CNTN6: variants seen among roughly 807,000 people sequenced by gnomAD.
CNTN6 encodes the protein contactin-6.
CNTN6 carries 137 observed loss-of-function variants against 122.8 expected under a neutral mutation model. The ratio of observed to expected loss-of-function variants is 1.12; its 90% CI spans 0.97 to 1.29. CNTN6 has a LOEUF of 1.29. Among genes scored for constraint, CNTN6 ranks in the 50% most tolerant of loss-of-function variants. CNTN6 has a pLI of 0.00. For synonymous variants in CNTN6, 570 were observed against 426.0 expected (o/e 1.34, Z -4.16); for missense variants, 1,634 against 1,223.4 (o/e 1.34, Z -5.01).
intron 19 of CNTN6, among the ~76,000 whole-genome samples, chr3:1,384,796 T>TACACACACACAC (rs1168789647): frequency 7.5e-6 from 1 of 133,788 alleles, no homozygotes; most frequent in African/African-American, 2.8e-5. Context: ...TATATATATA[T>TACACACACACAC]ACACACACAC....
chr3:1,330,160 T>C (rs550425719), intron 11 of CNTN6, among the ~76,000 whole-genome samples: 46 of 152,062 alleles, frequency 3.0e-4, no homozygotes, highest in African/African-American at 1.1e-3. Context: ...TTTCAGTGCA[T>C]GCACTTGTAA....
At position 1,382,983 on chromosome 3, in the gene CNTN6, T is replaced by C. The variant is rs767848196; in HGVS notation, c.2208T>C (p.Tyr736=). The change falls in exon 18 of 23, where the codon TAT becomes TAC. Residue 736 remains tyrosine, a synonymous_variant. Coordinates refer to ENST00000446702, the MANE Select transcript of CNTN6 (RefSeq NM_001289080.2). Reference sequence around the variant, plus strand: ...TGCAGAATGGGGAGGGATTTGGATATATCATCATGTTCCGGCCAGTGGGCT... The same window carrying C: ...TGCAGAATGGGGAGGGATTTGGATACATCATCATGTTCCGGCCAGTGGGCT... The part of the protein sequence containing the change: ...EELQNGEGFG[Y]IIMFRPVGST... The C allele has an allele frequency of 6.2e-7, 1 of 1,613,944 alleles. No homozygotes were observed. The highest frequency in any genetic ancestry group is 1.3e-5 in the African/African-American group (1 of 74,920).
intron 1 of CNTN6, among the ~76,000 whole-genome samples, chr3:1,102,495 C>A (rs1199713269): frequency 1.3e-5 from 2 of 152,000 alleles, no homozygotes; most frequent in African/African-American, 2.4e-5. Context: ...CTTTGGGAGG[C>A]CGAGGTGGGC....
chr3:1,298,161 G>C, intron 7 of CNTN6, 170 bp downstream of exon 7: 1 of 561,444 alleles, frequency 1.8e-6, no homozygotes. Flanking sequence ...CTAATACTGA[G>C]ACAATGACCA....
chr3:1,147,028 A>T (rs1352700986), intron 1 of CNTN6, among the ~76,000 whole-genome samples: 1 of 152,128 alleles, frequency 6.6e-6, no homozygotes, highest in Non-Finnish European at 1.5e-5. Flanking sequence ...AAGATGAAGT[A>T]ACTCATGACA....
At position 1,169,671 on chromosome 3, in the gene CNTN6, T is replaced by C. The variant is rs3772367; in HGVS notation, c.55+21608T>C. Among the ~76,000 whole-genome samples the C allele has an allele frequency of 1.5e-3, 224 of 152,342 alleles. 6 individuals carry two copies. The East Asian group carries it at 0.041, about 28-fold the overall frequency. ...AAATTTTCCAAATGGATTTATACTA[T>C]TTTTAAAATAAAAATGGTCAAGCCT... is the stretch of plus-strand genomic sequence containing the variant. On this transcript the variant is annotated intron_variant, in intron 2 of 22. Coordinates refer to ENST00000446702, the MANE Select transcript of CNTN6 (RefSeq NM_001289080.2).
chr3:1,279,409 A>G (rs543296104), intron 5 of CNTN6, among the ~76,000 whole-genome samples: 1 of 152,366 alleles, frequency 6.6e-6, no homozygotes, highest in South Asian at 2.1e-4. Flanking sequence ...AATAACAGCA[A>G]GGACTTACAC....
At chr3:1,182,751 A>C (rs1022966589) in intron 2 of CNTN6, among the ~76,000 whole-genome samples, 20 of 152,144 alleles carry the variant, frequency 1.3e-4, no homozygotes, top group African/African-American at 4.6e-4. Context: ...ATTATATTTC[A>C]GTTCCAGCTA....
At chr3:1,182,806 AT>A (rs2093576133) in intron 2 of CNTN6, among the ~76,000 whole-genome samples, 1 of 152,018 alleles carries the variant, frequency 6.6e-6, no homozygotes, top group Non-Finnish European at 1.5e-5. Context: ...ATCTATGAAT[AT>A]TTTTTCTTGC....
intron 1 of CNTN6, among the ~76,000 whole-genome samples, chr3:1,141,891 C>T (rs1438730604): frequency 6.6e-6 from 1 of 152,156 alleles, no homozygotes; most frequent in Non-Finnish European, 1.5e-5. Flanking sequence ...TATGCATGCA[C>T]ATCTACTCTG....
chr3:1,284,261 C>T (rs1693970792), intron 5 of CNTN6, among the ~76,000 whole-genome samples: 2 of 152,100 alleles, frequency 1.3e-5, no homozygotes, highest in Non-Finnish European at 2.9e-5. Flanking sequence ...TCATTCCAAG[C>T]AAAGGCTCAC....
intron 2 of CNTN6, among the ~76,000 whole-genome samples, chr3:1,207,767 C>T (rs2093977699): frequency 6.6e-6 from 1 of 151,792 alleles, no homozygotes; most frequent in African/African-American, 2.4e-5. Flanking sequence ...CATAGTAATC[C>T]CACAAATAAA....
chr3:1,105,685 C>T (rs545003161), intron 1 of CNTN6, among the ~76,000 whole-genome samples: 2 of 152,100 alleles, frequency 1.3e-5, no homozygotes, highest in African/African-American at 4.8e-5. Flanking sequence ...GTGTTTGTCC[C>T]TAATTGCACA....
At chr3:1,141,455 G>C (rs2092606632) in intron 1 of CNTN6, among the ~76,000 whole-genome samples, 1 of 152,170 alleles carries the variant, frequency 6.6e-6, no homozygotes, top group African/African-American at 2.4e-5. Context: ...GACAACTAGA[G>C]AGAGAAGTTG....
intron 4 of CNTN6, among the ~76,000 whole-genome samples, chr3:1,269,533 C>G (rs1457291871): frequency 6.6e-6 from 1 of 152,190 alleles, no homozygotes; most frequent in Non-Finnish European, 1.5e-5. Context: ...GAGTTTGAGT[C>G]TAGCCCACAT....
chr3:1,111,323 T>C (rs567439886), intron 1 of CNTN6, among the ~76,000 whole-genome samples: 1 of 152,316 alleles, frequency 6.6e-6, no homozygotes, highest in East Asian at 1.9e-4. Context: ...CATCAATTGA[T>C]ATAGTTTCAG....
intron 20 of CNTN6, among the ~76,000 whole-genome samples, chr3:1,389,077 T>A (rs1693669782): frequency 6.9e-6 from 1 of 145,120 alleles, no homozygotes; most frequent in African/African-American, 2.5e-5. Flanking sequence ...ACAAAGATAC[T>A]CCTCGAGAAG....
intron 4 of CNTN6, among the ~76,000 whole-genome samples, chr3:1,250,074 A>G (rs1170145501): frequency 6.6e-6 from 1 of 152,172 alleles, no homozygotes; most frequent in Non-Finnish European, 1.5e-5. Flanking sequence ...CCTCTTTGGC[A>G]AGTCTAGCTG....
At chr3:1,176,708 A>G (rs1337968440) in intron 2 of CNTN6, among the ~76,000 whole-genome samples, 1 of 152,240 alleles carries the variant, frequency 6.6e-6, no homozygotes, top group African/African-American at 2.4e-5. Context: ...TATTTAAGAG[A>G]TAAGTAAAAT....
Sources: gnomAD v4.1 joint callset for allele counts (sites outside exome capture counted in the v4.1 genomes callset) on GRCh38, gnomAD v4.1.1 for gene constraint, MANE v1.5 for transcripts, NCBI Gene and HGNC (gene_info 2026-07-23, HGNC 2026-07-21) for gene names.